CASK: variants seen among roughly 807,000 people sequenced by gnomAD.
CASK encodes the protein peripheral plasma membrane protein CASK.
A neutral mutation model predicts 82.9 loss-of-function variants in CASK; 4 were observed. The ratio of observed to expected loss-of-function variants is 0.05; its 90% CI spans 0.02 to 0.11. The LOEUF is 0.11. CASK is among the 10% of genes least tolerant of loss of function. The pLI, the probability that CASK is intolerant of heterozygous loss-of-function variation, is 1.00. For synonymous variants in CASK, 259 were observed against 253.5 expected (o/e 1.02, Z -0.20); for missense variants, 358 against 720.9 (o/e 0.50, Z 5.76).
At chrX:41,811,851 T>C (rs1297792590) in intron 2 of CASK, among the ~76,000 whole-genome samples, 1 of 110,130 alleles carries the variant, frequency 9.1e-6, no homozygotes, top group Non-Finnish European at 1.9e-5. Flanking sequence ...GCAAGACTAA[T>C]AAAGAAGAAA....
chrX:41,695,816 C>T, intron 5 of CASK: 1 of 1,205,715 alleles, frequency 8.3e-7, no homozygotes. Flanking sequence ...CCACATCCTA[C>T]TCTGTTATTT....
chrX:41,723,311 G>C (rs777830672), intron 5 of CASK, among the ~76,000 whole-genome samples: 1 of 112,088 alleles, frequency 8.9e-6, no homozygotes, highest in Non-Finnish European at 1.9e-5. Flanking sequence ...ATGAGAGGGA[G>C]TGCTTGATGC....
chrX:41,903,610 C>T (rs1388272690), intron 1 of CASK, among the ~76,000 whole-genome samples: 2 of 111,799 alleles, frequency 1.8e-5, no homozygotes, highest in African/African-American at 6.5e-5. Flanking sequence ...CAAAGGGCAA[C>T]AAAGGGTAAA....
intron 6 of CASK, among the ~76,000 whole-genome samples, chrX:41,669,630 T>C (rs1466579744): frequency 8.9e-6 from 1 of 112,182 alleles, no homozygotes; most frequent in African/African-American, 3.2e-5. Context: ...CAGTGACATT[T>C]GTTTAAAAAA....
intron 1 of CASK, among the ~76,000 whole-genome samples, chrX:41,920,400 A>G (rs1010596322): frequency 3.6e-5 from 4 of 112,300 alleles, no homozygotes; most frequent in African/African-American, 1.3e-4. Context: ...AATTTACTAG[A>G]GAAACCTTCA....
chrX:41,883,869 T>A (rs1039516638), intron 1 of CASK, among the ~76,000 whole-genome samples: 4 of 111,223 alleles, frequency 3.6e-5, no homozygotes, highest in Admixed American at 1.9e-4. Context: ...GCAAAAGAAA[T>A]CACCCTGTAC....
chrX:41,775,221 A>G (rs1356484297), intron 3 of CASK, among the ~76,000 whole-genome samples: 65 of 110,579 alleles, frequency 5.9e-4, no homozygotes, highest in African/African-American at 1.5e-3. Flanking sequence ...AAAAGTGGGC[A>G]AAGGACATGA....
At chrX:41,702,391 C>CATAA (rs1183525604) in intron 5 of CASK, among the ~76,000 whole-genome samples, 1 of 107,197 alleles carries the variant, frequency 9.3e-6, no homozygotes, top group Non-Finnish European at 1.9e-5. Flanking sequence ...GTCTCAAAAA[C>CATAA]ATAAATAAAT....
intron 12 of CASK, chrX:41,589,917 T>C: frequency 4.1e-6 from 1 of 243,326 alleles, no homozygotes; most frequent in East Asian, 9.8e-5. Context: ...TTCAATAGCA[T>C]GAATACAGAG....
At chrX:41,812,903 C>T (rs1485857528) in intron 2 of CASK, among the ~76,000 whole-genome samples, 4 of 111,997 alleles carry the variant, frequency 3.6e-5, no homozygotes, top group Non-Finnish European at 5.6e-5. Flanking sequence ...TCTCAGGATA[C>T]AAAATCAATG....
In CASK at chrX:41,541,510, C is replaced by T. The variant is rs192817709; in HGVS notation, c.2155+1181G>A. 4.5e-3 allele frequency among the ~76,000 whole-genome samples: 504 copies of T among 112,492 alleles called. 4 individuals carry two copies. The highest frequency in any genetic ancestry group is 0.016 in the African/African-American group (483 of 31,005). ...TGTAGTAGTACATAACCAGAAATTACACTGTTTTTGGAAATAAAAATGTGG... is the reference window on the plus strand; with the variant it reads ...TGTAGTAGTACATAACCAGAAATTATACTGTTTTTGGAAATAAAAATGTGG... On this transcript the variant is annotated intron_variant, in intron 22 of 26. Transcript: ENST00000378163.
chrX:41,901,586 C>A (rs764076692), intron 1 of CASK, among the ~76,000 whole-genome samples: 1 of 111,601 alleles, frequency 9.0e-6, no homozygotes, highest in African/African-American at 3.3e-5. Flanking sequence ...CCAGAAATTC[C>A]GGAGGGCTGT....
chrX:41,687,085 T>C (rs758480221), intron 5 of CASK, among the ~76,000 whole-genome samples: 38 of 112,014 alleles, frequency 3.4e-4, no homozygotes, highest in African/African-American at 1.2e-3. Context: ...ATGAGGAAAC[T>C]GAAGATTAAA....
intron 3 of CASK, among the ~76,000 whole-genome samples, chrX:41,749,528 C>T (rs769751393): frequency 5.8e-5 from 6 of 104,164 alleles, no homozygotes; most frequent in South Asian, 4.6e-4. Flanking sequence ...TGGGACTACA[C>T]GTGCTTGCCA....
chrX:41,889,966 T>C (rs2072134260), intron 1 of CASK, among the ~76,000 whole-genome samples: 1 of 111,724 alleles, frequency 9.0e-6, no homozygotes, highest in African/African-American at 3.3e-5. Context: ...CTTTGCATAA[T>C]TACTTCCTTG....
In CASK at chrX:41,642,208, G is replaced by A. The variant is rs781073845; in HGVS notation, c.832-5547C>T. Among the ~76,000 whole-genome samples the A allele has an allele frequency of 2.2e-3, 247 of 111,502 alleles. 3 individuals are homozygous for A. The highest frequency in any genetic ancestry group is 7.8e-3 in the African/African-American group (239 of 30,709). On this transcript the variant is annotated intron_variant, in intron 8 of 26. Coordinates refer to ENST00000378163, the MANE Select transcript of CASK (RefSeq NM_001367721.1). ...GTGAATAGTGCTGTAATAAACAGAC[G>A]TGTGCATGTGTCTTTATAGCAGCAT...
intron 3 of CASK, among the ~76,000 whole-genome samples, chrX:41,786,126 C>T (rs761162933): frequency 9.0e-6 from 1 of 111,574 alleles, no homozygotes; most frequent in Non-Finnish European, 1.9e-5. Flanking sequence ...TGTAGTGGAG[C>T]CTCAAAATGA....
intron 5 of CASK, among the ~76,000 whole-genome samples, chrX:41,698,346 C>G (rs1310125107): frequency 9.0e-6 from 1 of 111,437 alleles, no homozygotes; most frequent in Non-Finnish European, 1.9e-5. Flanking sequence ...TTAAAAGGAG[C>G]AAACTCTGCA....
chrX:41,777,595 G>C (rs1423433108), intron 3 of CASK, among the ~76,000 whole-genome samples: 1 of 111,303 alleles, frequency 9.0e-6, no homozygotes, highest in Non-Finnish European at 1.9e-5. Context: ...GCACAGAAGT[G>C]AAGTCCAGAT....
Sources: allele counts gnomAD v4.1 joint callset (sites outside exome capture counted in the v4.1 genomes callset), GRCh38; gene constraint gnomAD v4.1.1; transcripts MANE v1.5; gene names NCBI Gene and HGNC (gene_info 2026-07-23, HGNC 2026-07-21).